Variants in CASP1 observed in about 807,000 individuals in gnomAD.
The protein encoded by CASP1 is caspase-1.
In CASP1, 31 loss-of-function variants were observed where a neutral mutation model predicts 41.2. That is an observed-to-expected ratio of 0.75 (90% CI 0.57 to 1.02). The LOEUF (loss-of-function observed/expected upper bound fraction) is 1.02, where lower values mean the gene tolerates loss of function less well. Among genes scored for constraint, CASP1 ranks in the 50% least tolerant of loss-of-function variants. CASP1 has a pLI of 0.00. For synonymous variants in CASP1, 163 were observed against 166.5 expected, an observed-to-expected ratio of 0.98 and a Z score of 0.16; for missense variants, 490 against 495.7, an observed-to-expected ratio of 0.99 and a Z score of 0.11.
chr11:105,033,068 A>G lies in CASP1; in HGVS notation c.333T>C (p.Phe111=), dbSNP rs1863793646. The change falls in exon 3 of 9, where the codon TTT becomes TTC. Residue 111 remains phenylalanine, a synonymous_variant. Coordinates refer to ENST00000533400, the MANE Select transcript of CASP1 (RefSeq NM_001257118.3). ...TTCCTTTAAAAACAGCATTACCTGG[A>G]AAGGAAGAAAGTACTCCTTGAGAGT... ...MQDSQGVLSS[F]PAPQAVQDNP... 1.3e-6 allele frequency: 2 copies of G among 1,570,940 alleles called. No homozygotes were observed. The highest frequency in any genetic ancestry group is 1.7e-5 in the Admixed American group (1 of 59,422).
intron 3 of CASP1, 135 bp downstream of exon 3, chr11:105,032,929 T>C: frequency 2.2e-5 from 14 of 628,848 alleles, no homozygotes; most frequent in Non-Finnish European, 3.9e-5. Flanking sequence ...AAAAGCAGAA[T>C]AGATTACAAA....
chr11:105,026,189 C>T lies in CASP1; in HGVS notation c.*69G>A. ...CTCAAATGGACTTTCAGTACCCTTTCCTCAACCTTCCCACACTCCCGACCA... is the reference window on the plus strand; with the variant it reads ...CTCAAATGGACTTTCAGTACCCTTTTCTCAACCTTCCCACACTCCCGACCA... On this transcript the variant is annotated 3_prime_UTR_variant, in exon 9 of 9. Transcript: ENST00000533400. 2 of 997,662 alleles carry T rather than the reference C, an allele frequency of 2.0e-6. No individual in the cohort carries two copies. The highest frequency in any genetic ancestry group is 1.6e-6 in the Non-Finnish European group (1 of 632,208). The allele number at this position is 997,662 out of a possible 1,614,324, so 61.8% of individuals were successfully genotyped here. A position where few individuals can be genotyped will look rare whatever the true frequency, so the allele number is the denominator to read the frequency against.
chr11:105,033,814 A>G, intron 2 of CASP1: 2 of 498,000 alleles, frequency 4.0e-6, no homozygotes. Flanking sequence ...TTGATTATAA[A>G]CCTTAAAGCT....
chr11:105,028,075 G>A (rs1027182587), intron 7 of CASP1, among the ~76,000 whole-genome samples: 3 of 152,044 alleles, frequency 2.0e-5, no homozygotes, highest in Non-Finnish European at 4.4e-5. Context: ...GGATACTAAC[G>A]AACAGTTCTG....
upstream of CASP1, chr11:105,035,176 G>T (rs374423061): frequency 3.1e-6 from 5 of 1,607,430 alleles, no homozygotes; most frequent in Non-Finnish European, 4.3e-6. Flanking sequence ...TTCCTTTTTG[G>T]CAGGGCCTGT....
intron 8 of CASP1, 110 bp downstream of exon 8, chr11:105,026,732 A>C (rs1863315080): frequency 1.4e-6 from 1 of 695,402 alleles, no homozygotes; most frequent in African/African-American, 1.8e-5. Flanking sequence ...TTTTGGAAAG[A>C]AGAGCATTAT....
Position 105,025,621 on chromosome 11 carries a change from T to TA in CASP1, c.*636dup, listed in dbSNP as rs60332715. On this transcript the variant is annotated 3_prime_UTR_variant, in exon 9 of 9. Coordinates refer to ENST00000533400, the MANE Select transcript of CASP1 (RefSeq NM_001257118.3). ...ACTTCCTATGAGAAAAAGAAATAAT[T>TA]AAAAAAAAAAACATAGGAAAGAATT... 0.06 allele frequency: 19,074 copies of TA among 320,038 alleles called. 56 individuals are homozygous for TA. Among genetic ancestry groups the TA allele is most frequent in the South Asian group, 0.098 (3,861 of 39,456 alleles). The allele number at this position is 320,038 out of a possible 1,614,324, so 19.8% of individuals were successfully genotyped here.
chr11:105,029,957 G>GAAAGTCAAT, intron 5 of CASP1, 58 bp from the exon 6 acceptor site: 1 of 1,250,022 alleles, frequency 8.0e-7, no homozygotes, highest in Admixed American at 1.7e-5. Flanking sequence ...TGGTACCTTG[G>GAAAGTCAAT]AAAGTCAATA....
In CASP1 at chr11:105,029,666, A is replaced by G. The variant is rs147332704; in HGVS notation, c.861T>C (p.Gly287=). 3 of 1,610,568 alleles carry G rather than the reference A, an allele frequency of 1.9e-6. No individual in the cohort carries two copies. Among genetic ancestry groups the G allele is most frequent in the South Asian group, 1.1e-5 (1 of 91,012 alleles). Residue 287 remains glycine (G), a splice_region_variant and synonymous_variant, in exon 6 of 9, where the codon GGT becomes GGC. Transcript: ENST00000533400. ...GTTCTCAAAGGCATCAGCACTCACC[A>G]CCACGGCAGGCCTGGATGATGATCA... ...PKVIIIQACR[G]DSPGVVWFKD... is the part of the protein sequence containing the mutation.
chr11:105,033,029 G>A, intron 3 of CASP1, 35 bp downstream of exon 3: 1 of 1,330,734 alleles, frequency 7.5e-7, no homozygotes. Context: ...GAAGATGTGG[G>A]TCAAAGAATG....
At chr11:105,030,669 A>G (rs1480650700) in intron 4 of CASP1, 166 bp from the exon 5 acceptor site, 2 of 567,272 alleles carry the variant, frequency 3.5e-6, no homozygotes, top group East Asian at 6.0e-5. Flanking sequence ...AAGAGTATGC[A>G]TGGACATTGC....
chr11:105,035,990 A>G (rs186602920), upstream of CASP1, among the ~76,000 whole-genome samples: 3 of 152,138 alleles, frequency 2.0e-5, no homozygotes, highest in African/African-American at 7.2e-5. Context: ...TGTCGAACTT[A>G]GCATTTTAAA....
In CASP1 at chr11:105,029,002, T is replaced by C; in HGVS notation, c.1006+122A>G. On this transcript the variant is annotated intron_variant, in intron 7 of 8. Transcript: ENST00000533400. The stretch of plus-strand genomic sequence containing the variant: ...TTGCTCTCTTGGATAAAGGGAATTC[T>C]GTGTATAACTTGGAACAAAGCTTGA... 3.6e-6 allele frequency: 3 copies of C among 836,014 alleles called. No individual in the cohort carries two copies. In the South Asian group the frequency reaches 5.6e-5, roughly 16 times the overall value. The allele number at this position is 836,014 out of a possible 1,614,324, so 51.8% of individuals were successfully genotyped here. A position where few individuals can be genotyped will look rare whatever the true frequency, so the allele number is the denominator to read the frequency against.
At chr11:105,027,445 T>C (rs1863383304) in intron 7 of CASP1, among the ~76,000 whole-genome samples, 1 of 150,530 alleles carries the variant, frequency 6.6e-6, no homozygotes, top group South Asian at 2.1e-4. Context: ...CTAGGAGGAG[T>C]AGATAAGGAA....
chr11:105,025,597 C>T lies in CASP1; in HGVS notation c.*661G>A. 4 of 407,968 alleles carry T rather than the reference C, an allele frequency of 9.8e-6. No homozygotes were observed. The highest frequency in any genetic ancestry group is 4.8e-6 in the Non-Finnish European group (1 of 210,248). The allele number at this position is 407,968 out of a possible 1,614,324, so 25.3% of individuals were successfully genotyped here. On this transcript the variant is annotated 3_prime_UTR_variant, in exon 9 of 9. Coordinates refer to ENST00000533400, the MANE Select transcript of CASP1 (RefSeq NM_001257118.3). ...AAACCTTTACAGAAGGATCTCTTCA[C>T]TTCCTATGAGAAAAAGAAATAATTA...
Position 105,026,957 on chromosome 11 carries a change from G to A in CASP1, c.1007-6C>T, listed in dbSNP as rs773540038. The A allele has an allele frequency of 6.9e-7, 1 of 1,458,862 alleles. No homozygotes were observed. Among genetic ancestry groups the A allele is most frequent in the South Asian group, 1.1e-5 (1 of 88,000 alleles). 90.4% of individuals were successfully genotyped at this position (1,458,862 alleles called of 1,614,324 possible). A position where few individuals can be genotyped will look rare whatever the true frequency, so the allele number is the denominator to read the frequency against. On this transcript the variant is annotated splice_region_variant and splice_polypyrimidine_tract_variant and intron_variant, in intron 7 of 8. Coordinates refer to ENST00000533400, the MANE Select transcript of CASP1 (RefSeq NM_001257118.3). ...ATGTCTCCAAGAAACATTATCTATG[G>A]ATAAAGCACATTTCAAATCTCAAGA...
At chr11:105,036,557 C>T (rs548828771), upstream of CASP1, among the ~76,000 whole-genome samples, 54 of 152,088 alleles carry the variant, frequency 3.6e-4, no homozygotes, top group African/African-American at 5.3e-4. Flanking sequence ...TCATGAGATC[C>T]GATGGTTTTA....
rs773173695 is a variant in CASP1 at position 105,031,291 on chromosome 11, C to CAAAG, written c.338-15_338-12dup. 1 of 1,462,274 alleles carries CAAAG rather than the reference C, an allele frequency of 6.8e-7. No homozygotes were observed. Among genetic ancestry groups the CAAAG allele is most frequent in the Admixed American group, 1.7e-5 (1 of 59,352 alleles). The allele number at this position is 1,462,274 out of a possible 1,614,324, so 90.6% of individuals were successfully genotyped here. A position where few individuals can be genotyped will look rare whatever the true frequency, so the allele number is the denominator to read the frequency against. On this transcript the variant is annotated splice_polypyrimidine_tract_variant and intron_variant, in intron 3 of 8. Coordinates refer to ENST00000533400, the MANE Select transcript of CASP1 (RefSeq NM_001257118.3). ...GCACTGCCTGAGGAGCTGCAAGAGA[C>CAAAG]AAAGAACATCATGAACAGTGGCATC... is the stretch of plus-strand genomic sequence containing the variant.
chr11:105,030,019 C>A, intron 5 of CASP1, 120 bp from the exon 6 acceptor site: 7 of 798,086 alleles, frequency 8.8e-6, no homozygotes, highest in Non-Finnish European at 1.2e-5. Context: ...CAACAGGGTG[C>A]CAAAAAAAAA....
Sources: gnomAD v4.1 joint callset for allele counts (sites outside exome capture counted in the v4.1 genomes callset) on GRCh38, gnomAD v4.1.1 for gene constraint, MANE v1.5 for transcripts, NCBI Gene and HGNC (gene_info 2026-07-23, HGNC 2026-07-21) for gene names.